SAMD5: variants seen among roughly 807,000 people sequenced by gnomAD.
SAMD5 encodes sterile alpha motif domain containing 5, also known as sterile alpha motif domain-containing protein 5.
In SAMD5, 13 loss-of-function variants were observed where a neutral mutation model predicts 11.3. The observed-to-expected ratio is 1.15, with a 90% CI of 0.75 to 1.83. The LOEUF (loss-of-function observed/expected upper bound fraction) is 1.83. Among genes scored for constraint, SAMD5 ranks in the 40% most tolerant of loss-of-function variants. The probability of loss-of-function intolerance (pLI) is 0.00; values close to 1 mark genes in which losing one functional copy is unlikely to be tolerated. For missense variants in SAMD5, 255 were observed against 239.1 expected (o/e 1.07, Z -0.44); for synonymous variants, 129 against 111.3 (o/e 1.16, Z -1.00).
chr6:147,722,885 T>C (rs899053959), intron 1 of SAMD5, among the ~76,000 whole-genome samples: 16 of 152,092 alleles, frequency 1.1e-4, no homozygotes, highest in Non-Finnish European at 4.4e-5. Context: ...TGGGCCTGGG[T>C]TTTGTTGTTA....
chr6:147,793,870 C>T, the SAMD5 span, among the ~76,000 whole-genome samples: 3 of 152,132 alleles, frequency 2.0e-5, no homozygotes, highest in African/African-American at 7.2e-5. Flanking sequence ...CCAACTTCTT[C>T]AGTATTATGT....
At chr6:147,721,469 A>C (rs2128459270) in intron 1 of SAMD5, among the ~76,000 whole-genome samples, 1 of 152,020 alleles carries the variant, frequency 6.6e-6, no homozygotes, top group Non-Finnish European at 1.5e-5. Flanking sequence ...GCATTTTTTC[A>C]TGTGTTTTTT....
At position 147,605,990 on chromosome 6, in the gene SAMD5, A is replaced by G. The variant is rs1025119762; in HGVS notation, c.162+96603A>G. ...GATACAGCAGATATTTGATGAACGC[A>G]TGAATAACAGCATTCAAAAACTCTG... is the stretch of plus-strand genomic sequence containing the variant. On this transcript the variant is annotated intron_variant, in intron 1 of 1. Coordinates refer to the SAMD5 transcript ENST00000566741. 3.9e-5 allele frequency among the ~76,000 whole-genome samples: 6 copies of G among 152,150 alleles called. 1 individual carries two copies. In the South Asian group the frequency reaches 1.2e-3, roughly 32 times the overall value.
chr6:147,728,288 T>C (rs4122005), intron 1 of SAMD5, among the ~76,000 whole-genome samples: 112,341 of 152,044 alleles, frequency 0.74, 41,999 homozygotes, highest in African/African-American at 0.84. Context: ...CACGGTCTTG[T>C]ATGCGTGTAA....
At chr6:147,667,469 A>G (rs1790739154) in intron 1 of SAMD5, among the ~76,000 whole-genome samples, 1 of 152,218 alleles carries the variant, frequency 6.6e-6, no homozygotes, top group Non-Finnish European at 1.5e-5. Context: ...CAGCTTTGCA[A>G]CAGAATCTAA....
At chr6:147,860,195 T>C in the SAMD5 span, among the ~76,000 whole-genome samples, 11 of 152,298 alleles carry the variant, frequency 7.2e-5, no homozygotes, top group African/African-American at 2.6e-4. Context: ...GGCTTAGAGA[T>C]GCATCACTCT....
At chr6:147,667,016 C>T (rs1790732108) in intron 1 of SAMD5, among the ~76,000 whole-genome samples, 1 of 152,140 alleles carries the variant, frequency 6.6e-6, no homozygotes, top group Non-Finnish European at 1.5e-5. Context: ...GATGATATGT[C>T]ACCTCCCTCA....
At chr6:147,710,122 G>A (rs1208603237) in intron 1 of SAMD5, among the ~76,000 whole-genome samples, 1 of 152,196 alleles carries the variant, frequency 6.6e-6, no homozygotes, top group African/African-American at 2.4e-5. Flanking sequence ...GCCTTTGCAT[G>A]TGATGTTCCT....
chr6:147,760,216 C>A, the SAMD5 span, among the ~76,000 whole-genome samples: 1 of 152,008 alleles, frequency 6.6e-6, no homozygotes, highest in Non-Finnish European at 1.5e-5. Context: ...GAAAATGGTG[C>A]CTCATTTAAA....
chr6:147,836,252 T>C, the SAMD5 span, among the ~76,000 whole-genome samples: 2 of 152,194 alleles, frequency 1.3e-5, no homozygotes, highest in Non-Finnish European at 2.9e-5. Flanking sequence ...TTCAGAAAGA[T>C]TACTCTTCCA....
intron 1 of SAMD5, among the ~76,000 whole-genome samples, chr6:147,646,244 T>C (rs914780807): frequency 1.3e-4 from 20 of 152,264 alleles, no homozygotes; most frequent in Middle Eastern, 6.8e-3. Flanking sequence ...AGTCAATTCA[T>C]AGACCAGCGT....
chr6:147,845,432 A>T, the SAMD5 span, among the ~76,000 whole-genome samples: 1 of 152,184 alleles, frequency 6.6e-6, no homozygotes, highest in South Asian at 2.1e-4. Context: ...TTGCTCTGTG[A>T]AAGGTCAAAA....
the SAMD5 span, among the ~76,000 whole-genome samples, chr6:147,932,858 T>A: frequency 2.6e-5 from 4 of 152,166 alleles, no homozygotes; most frequent in Admixed American, 6.5e-5. Context: ...CGATGACTGA[T>A]GTGCTTTTCT....
At position 147,716,602 on chromosome 6, in the gene SAMD5, G is replaced by A. The variant is rs1405094475; in HGVS notation, c.163-20715G>A. 2.0e-5 allele frequency among the ~76,000 whole-genome samples: 3 copies of A among 152,230 alleles called. 1 individual carries two copies. The highest frequency in any genetic ancestry group is 4.1e-4 in the South Asian group (2 of 4,832). On this transcript the variant is annotated intron_variant, in intron 1 of 1. Coordinates refer to the SAMD5 transcript ENST00000566741. ...AGCTCCTGCCCTGCCAACTCATAAG[G>A]AGGTGGGGCTTCCACCTGTTTCCGG...
chr6:147,603,132 CAG>C lies in SAMD5; in HGVS notation c.162+93747_162+93748del, dbSNP rs773457964. Among the ~76,000 whole-genome samples the C allele has an allele frequency of 2.0e-5, 3 of 152,128 alleles. No homozygotes were observed. In the East Asian group the frequency reaches 5.8e-4, roughly 29 times the overall value. On this transcript the variant is annotated intron_variant, in intron 1 of 1. Transcript: ENST00000566741. ...AAGATTCTCATTCTGTAAAAAGAAA[CAG>C]ATCTTATGTTTCTTCTTGGGGAATT...
chr6:147,930,301 A>C, the SAMD5 span, among the ~76,000 whole-genome samples: 1 of 152,046 alleles, frequency 6.6e-6, no homozygotes, highest in Non-Finnish European at 1.5e-5. Context: ...ACTTTCCTTC[A>C]TCTTTCTGTC....
At chr6:147,611,424 A>G (rs1345156375) in intron 1 of SAMD5, among the ~76,000 whole-genome samples, 2 of 151,938 alleles carry the variant, frequency 1.3e-5, no homozygotes, top group Non-Finnish European at 2.9e-5. Context: ...TTAGCCAGGC[A>G]TGGTGGTGCG....
chr6:147,621,008 G>A (rs1037510115), intron 1 of SAMD5, among the ~76,000 whole-genome samples: 5 of 151,670 alleles, frequency 3.3e-5, no homozygotes, highest in East Asian at 1.9e-4. Context: ...GCACATGCGC[G>A]CGCATGTAGG....
At chr6:147,873,525 G>T in the SAMD5 span, among the ~76,000 whole-genome samples, 1 of 152,146 alleles carries the variant, frequency 6.6e-6, no homozygotes, top group African/African-American at 2.4e-5. Flanking sequence ...AGAGGAAAAA[G>T]AGTGACCCAA....
Sources: allele counts gnomAD v4.1 joint callset (sites outside exome capture counted in the v4.1 genomes callset), GRCh38; gene constraint gnomAD v4.1.1; transcripts MANE v1.5; gene names NCBI Gene and HGNC (gene_info 2026-07-23, HGNC 2026-07-21).